GAREM1: variants seen among roughly 807,000 people sequenced by gnomAD.
GAREM1 encodes GRB2 associated regulator of MAPK1 subtype 1, also known as GRB2-associated and regulator of MAPK protein 1.
In GAREM1, 26 loss-of-function variants were observed where a neutral mutation model predicts 71.3. The ratio of observed to expected loss-of-function variants is 0.36; its 90% CI spans 0.27 to 0.51. The LOEUF (loss-of-function observed/expected upper bound fraction) is 0.51. Among genes scored for constraint, GAREM1 ranks in the 20% least tolerant of loss-of-function variants. The probability of loss-of-function intolerance (pLI) is 0.95; values close to 1 mark genes in which losing one functional copy is unlikely to be tolerated. For synonymous variants in GAREM1, 440 were observed against 433.2 expected, an observed-to-expected ratio of 1.02 and a Z score of -0.20; for missense variants, 1,026 against 1,103.1, an observed-to-expected ratio of 0.93 and a Z score of 0.99.
At chr18:32,348,534 G>A (rs531527892) in intron 2 of GAREM1, among the ~76,000 whole-genome samples, 1 of 151,932 alleles carries the variant, frequency 6.6e-6, no homozygotes, top group African/African-American at 2.4e-5. Flanking sequence ...GACCAGCCTG[G>A]CCAACATGGT....
intron 2 of GAREM1, among the ~76,000 whole-genome samples, chr18:32,373,731 C>T (rs192239604): frequency 9.8e-5 from 15 of 152,298 alleles, no homozygotes; most frequent in Admixed American, 4.6e-4. Context: ...TCTTTTCAAC[C>T]GCCAGAGAGA....
At chr18:32,422,012 A>C (rs527737597) in intron 1 of GAREM1, among the ~76,000 whole-genome samples, 28 of 152,078 alleles carry the variant, frequency 1.8e-4, no homozygotes, top group African/African-American at 6.5e-4. Context: ...TTTAAGTTTT[A>C]AGTTTTAGGG....
chr18:32,295,974 T>G (rs2047135345), intron 3 of GAREM1, among the ~76,000 whole-genome samples: 1 of 152,018 alleles, frequency 6.6e-6, no homozygotes, highest in Non-Finnish European at 1.5e-5. Flanking sequence ...TTTTTTTTTT[T>G]TCTTTTGAGA....
At chr18:32,366,723 C>CA (rs1368007196) in intron 2 of GAREM1, among the ~76,000 whole-genome samples, 1 of 152,160 alleles carries the variant, frequency 6.6e-6, no homozygotes. Flanking sequence ...GGCAGTTATG[C>CA]AATAAAGAGT....
chr18:32,466,665 G>A (rs1206760910), intron 1 of GAREM1, among the ~76,000 whole-genome samples: 1 of 152,186 alleles, frequency 6.6e-6, no homozygotes, highest in Admixed American at 6.5e-5. Context: ...ATCCAGTTTT[G>A]AGTGAGGATG....
intron 1 of GAREM1, among the ~76,000 whole-genome samples, chr18:32,404,927 T>C (rs1480530370): frequency 2.6e-5 from 4 of 152,246 alleles, no homozygotes. Context: ...TAAACTGTTC[T>C]TATGTCATAG....
chr18:32,356,068 T>C (rs899941403), intron 2 of GAREM1, among the ~76,000 whole-genome samples: 3 of 152,210 alleles, frequency 2.0e-5, no homozygotes, highest in Non-Finnish European at 2.9e-5. Context: ...ACAGCTTTCA[T>C]CTTAGGCAAC....
intron 3 of GAREM1, among the ~76,000 whole-genome samples, chr18:32,305,038 A>C (rs1307486550): frequency 6.6e-6 from 1 of 152,074 alleles, no homozygotes; most frequent in African/African-American, 2.4e-5. Context: ...AGAGAGAAAA[A>C]GCCTATTACA....
intron 2 of GAREM1, among the ~76,000 whole-genome samples, chr18:32,356,874 G>T (rs950525666): frequency 2.6e-5 from 4 of 152,148 alleles, no homozygotes; most frequent in Non-Finnish European, 5.9e-5. Context: ...TTCAAGTTCT[G>T]CTGTTTAACC....
At chr18:32,280,753 T>C (rs1238538253) in intron 4 of GAREM1, among the ~76,000 whole-genome samples, 1 of 152,198 alleles carries the variant, frequency 6.6e-6, no homozygotes, top group African/African-American at 2.4e-5. Context: ...TGTGTTTTTG[T>C]AATATCTTAG....
At position 32,310,322 on chromosome 18, in the gene GAREM1, C is replaced by G. The variant is rs2047305962; in HGVS notation, c.264G>C (p.Gly88=). 2 of 1,613,948 alleles carry G rather than the reference C, an allele frequency of 1.2e-6. No individual in the cohort carries two copies. The highest frequency in any genetic ancestry group is 2.2e-5 in the South Asian group (2 of 91,056). The stretch of plus-strand genomic sequence containing the variant: ...GGTCTTGTTCCAGCAGCTTGAATTG[C>G]CCTAAAACACAGGATAAACAGAAGA... ...PKIEIPVHYA[G]QFKLLEQDRD... The change falls in exon 3 of 6, where the codon GGG becomes GGC. Residue 88 remains glycine, a splice_region_variant and synonymous_variant. Transcript: ENST00000269209.
chr18:32,439,698 T>A (rs1261951448), intron 1 of GAREM1, among the ~76,000 whole-genome samples: 1 of 151,934 alleles, frequency 6.6e-6, no homozygotes, highest in Admixed American at 6.6e-5. Flanking sequence ...TTATTTCTGG[T>A]AAGAATACGA....
chr18:32,410,409 C>A (rs2048405088), intron 1 of GAREM1, among the ~76,000 whole-genome samples: 1 of 152,134 alleles, frequency 6.6e-6, no homozygotes, highest in South Asian at 2.1e-4. Flanking sequence ...AGTGCATTGG[C>A]ATGATCATAG....
At chr18:32,392,428 T>A (rs80251886) in intron 2 of GAREM1, among the ~76,000 whole-genome samples, 4,520 of 152,250 alleles carry the variant, frequency 0.03, 88 homozygotes, top group Non-Finnish European at 0.048. Flanking sequence ...GTAATCTAAA[T>A]GCCTATTGAA....
chr18:32,469,716 T>A (rs1207151183), intron 1 of GAREM1, among the ~76,000 whole-genome samples: 3 of 152,180 alleles, frequency 2.0e-5, no homozygotes, highest in Admixed American at 2.0e-4. Flanking sequence ...ACCTAATAGT[T>A]AACCTTAAGC....
intron 1 of GAREM1, among the ~76,000 whole-genome samples, chr18:32,422,781 G>T (rs546018934): frequency 6.6e-6 from 1 of 152,264 alleles, no homozygotes; most frequent in East Asian, 1.9e-4. Flanking sequence ...GTTTTTTAAA[G>T]CAACAACTTT....
In GAREM1 at chr18:32,406,684, T is replaced by C. The variant is rs543059096; in HGVS notation, c.122-13649A>G. ...CTTTTAAGAGGGAGAAATGATAAAG[T>C]GATCAGGAAGGATGTGGTTACAGGA... On this transcript the variant is annotated intron_variant, in intron 1 of 5. Transcript: ENST00000269209. Among the ~76,000 whole-genome samples, 11 of 152,226 alleles carry C rather than the reference T, an allele frequency of 7.2e-5. No homozygotes were observed. In the East Asian group the frequency reaches 1.4e-3, roughly 19 times the overall value.
At chr18:32,380,488 A>AAAAAG (rs2048085023) in intron 2 of GAREM1, among the ~76,000 whole-genome samples, 1 of 151,422 alleles carries the variant, frequency 6.6e-6, no homozygotes, top group Non-Finnish European at 1.5e-5. Flanking sequence ...AAAAAAAAAA[A>AAAAAG]AAAAAAAAAA....
In GAREM1 at chr18:32,364,028, G is replaced by GTTTTT. The variant is rs1157200391; in HGVS notation, c.262+28862_262+28866dup. Reference sequence around the variant, plus strand: ...TATATATATATATATATATATATATGTTTTTTTTTTTTTTTTTTTTTTGTG... The same window carrying GTTTTT: ...TATATATATATATATATATATATATGTTTTTTTTTTTTTTTTTTTTTTTTTTTGTG... On this transcript the variant is annotated intron_variant, in intron 2 of 5. Transcript: ENST00000269209. Among the ~76,000 whole-genome samples the GTTTTT allele has an allele frequency of 2.0e-3, 43 of 21,668 alleles. 2 individuals are homozygous for GTTTTT. The highest frequency in any genetic ancestry group is 2.2e-3 in the Non-Finnish European group (27 of 12,460). 14.2% of individuals were successfully genotyped at this position (21,668 alleles called of 152,430 possible).
Sources: gnomAD v4.1 joint callset for allele counts (sites outside exome capture counted in the v4.1 genomes callset) on GRCh38, gnomAD v4.1.1 for gene constraint, MANE v1.5 for transcripts, NCBI Gene and HGNC (gene_info 2026-07-23, HGNC 2026-07-21) for gene names.